Variants in RBKS observed in about 807,000 individuals in gnomAD.
RBKS encodes ribokinase.
In RBKS, 33 loss-of-function variants were observed where a neutral mutation model predicts 33.9. The observed-to-expected ratio is 0.97, with a 90% CI of 0.74 to 1.30. The LOEUF is 1.30. Ranked by LOEUF, RBKS falls within the 50% of genes most tolerant of loss-of-function variation. The probability of loss-of-function intolerance (pLI) is 0.00; values close to 1 mark genes in which losing one functional copy is unlikely to be tolerated. For synonymous variants in RBKS, 125 were observed against 143.0 expected (o/e 0.87, Z 0.90); for missense variants, 361 against 392.6 (o/e 0.92, Z 0.68).
chr2:27,864,980 C>CT (rs1197900987), intron 1 of RBKS, among the ~76,000 whole-genome samples: 1 of 152,206 alleles, frequency 6.6e-6, no homozygotes, highest in Non-Finnish European at 1.5e-5. Flanking sequence ...GGAGAAGTCT[C>CT]TGAATCTCTC....
At chr2:27,842,878 G>GT (rs373375641) in intron 5 of RBKS, among the ~76,000 whole-genome samples, 189 bp downstream of exon 5, 884 of 145,274 alleles carry the variant, frequency 6.1e-3, no homozygotes, top group Middle Eastern at 0.017. Context: ...TGCTACTCAT[G>GT]TTTTTTTTTT....
At chr2:27,859,151 AT>A (rs1303822898) in intron 1 of RBKS, among the ~76,000 whole-genome samples, 8 of 152,208 alleles carry the variant, frequency 5.3e-5, no homozygotes, top group Admixed American at 5.2e-4. Flanking sequence ...GTCTTAGTCC[AT>A]CCTGCATACC....
intron 7 of RBKS, among the ~76,000 whole-genome samples, chr2:27,803,046 T>C (rs1391257316): frequency 1.3e-5 from 2 of 152,174 alleles, no homozygotes; most frequent in African/African-American, 4.8e-5. Context: ...CCCAGGCTGG[T>C]CTCAAACTCC....
At position 27,781,571 on chromosome 2, in the gene RBKS, G is replaced by C. The variant is rs939941101; in HGVS notation, c.*44C>G. 2.6e-6 allele frequency: 4 copies of C among 1,512,596 alleles called. No individual in the cohort carries two copies. The African/African-American group carries it at 4.2e-5, about 16-fold the overall frequency. The allele number at this position is 1,512,596 out of a possible 1,614,324, so 93.7% of individuals were successfully genotyped here. A position where few individuals can be genotyped will look rare whatever the true frequency, so the allele number is the denominator to read the frequency against. On this transcript the variant is annotated 3_prime_UTR_variant, in exon 8 of 8. Transcript: ENST00000302188. ...ATTAGCCAGGAGCAGCCACCCCCAA[G>C]TACATTTTATTCCCAGGTATATTTA... is the stretch of plus-strand genomic sequence containing the variant.
At chr2:27,819,150 T>G (rs1037996081) in intron 7 of RBKS, among the ~76,000 whole-genome samples, 1 of 152,174 alleles carries the variant, frequency 6.6e-6, no homozygotes, top group African/African-American at 2.4e-5. Context: ...TAGAAATTTA[T>G]TTCTCACAGT....
chr2:27,844,597 A>G (rs572887373), intron 4 of RBKS, among the ~76,000 whole-genome samples: 1 of 151,920 alleles, frequency 6.6e-6, no homozygotes, highest in East Asian at 1.9e-4. Flanking sequence ...GGGTTTCACT[A>G]TGTTGGCCAG....
intron 7 of RBKS, among the ~76,000 whole-genome samples, chr2:27,783,098 CCT>C (rs1677320254): frequency 6.6e-6 from 1 of 152,144 alleles, no homozygotes; most frequent in Non-Finnish European, 1.5e-5. Context: ...CTCCTGTGTC[CCT>C]TTGACATACG....
intron 5 of RBKS, among the ~76,000 whole-genome samples, chr2:27,841,079 C>T (rs757443797): frequency 6.6e-5 from 10 of 152,138 alleles, no homozygotes; most frequent in Non-Finnish European, 8.8e-5. Flanking sequence ...TCACCTACCC[C>T]GCTTCCTGCT....
chr2:27,889,274 T>G (rs1664644245), intron 1 of RBKS, among the ~76,000 whole-genome samples: 1 of 152,244 alleles, frequency 6.6e-6, no homozygotes, highest in African/African-American at 2.4e-5. Flanking sequence ...CTTATTTTGA[T>G]TGTCCCAAAG....
At chr2:27,801,964 ATATATATATATATAT>A (rs1393277479) in intron 7 of RBKS, among the ~76,000 whole-genome samples, 3 of 48,564 alleles carry the variant, frequency 6.2e-5, no homozygotes, top group African/African-American at 8.5e-5. Flanking sequence ...AAAAAAAAAA[ATATATATATATATAT>A]ATATATATAT....
At chr2:27,802,507 G>GA (rs997566314) in intron 7 of RBKS, among the ~76,000 whole-genome samples, 5 of 151,592 alleles carry the variant, frequency 3.3e-5, no homozygotes, top group African/African-American at 1.2e-4. Context: ...GGGTGATTAG[G>GA]AAAAAAAGTC....
intron 4 of RBKS, among the ~76,000 whole-genome samples, chr2:27,846,379 C>A (rs1381212725): frequency 6.6e-6 from 1 of 152,208 alleles, no homozygotes; most frequent in African/African-American, 2.4e-5. Context: ...CTGTGGCTCA[C>A]TGCAGCCTTG....
chr2:27,858,632 T>A, intron 1 of RBKS, 61 bp from the exon 2 acceptor site: 1 of 1,492,782 alleles, frequency 6.7e-7, no homozygotes, highest in Non-Finnish European at 9.2e-7. Context: ...ATTTAAGTTC[T>A]TTAGAAGAGA....
At chr2:27,826,850 A>C (rs2148202172) in intron 7 of RBKS, among the ~76,000 whole-genome samples, 1 of 152,272 alleles carries the variant, frequency 6.6e-6, no homozygotes, top group East Asian at 1.9e-4. Context: ...TCAGCACAGT[A>C]CCTTACATAA....
At chr2:27,797,557 T>C (rs1573035687) in intron 7 of RBKS, among the ~76,000 whole-genome samples, 1 of 152,282 alleles carries the variant, frequency 6.6e-6, no homozygotes, top group East Asian at 1.9e-4. Flanking sequence ...GCCCACATTT[T>C]CCCATTTCCC....
At chr2:27,816,743 G>A (rs1475819894) in intron 7 of RBKS, among the ~76,000 whole-genome samples, 1 of 152,034 alleles carries the variant, frequency 6.6e-6, no homozygotes, top group Non-Finnish European at 1.5e-5. Context: ...GACTACAGGT[G>A]CCTGCCACCA....
chr2:27,864,994 A>G (rs780506201), intron 1 of RBKS, among the ~76,000 whole-genome samples: 1 of 152,226 alleles, frequency 6.6e-6, no homozygotes, highest in African/African-American at 2.4e-5. Flanking sequence ...ATCTCTCCAC[A>G]GGTCTTTAAC....
chr2:27,805,305 T>G (rs1328046501), intron 7 of RBKS, among the ~76,000 whole-genome samples: 1 of 152,228 alleles, frequency 6.6e-6, no homozygotes, highest in African/African-American at 2.4e-5. Context: ...GACCTGATTT[T>G]CTTGAGGGCT....
chr2:27,861,683 ACTT>A (rs1451632896), intron 1 of RBKS: 1 of 423,328 alleles, frequency 2.4e-6, no homozygotes, highest in Non-Finnish European at 4.9e-6. Context: ...GTGGAGTCTC[ACTT>A]TGTCTCCCAG....
Sources: allele counts gnomAD v4.1 joint callset (sites outside exome capture counted in the v4.1 genomes callset), GRCh38; gene constraint gnomAD v4.1.1; transcripts MANE v1.5; gene names NCBI Gene and HGNC (gene_info 2026-07-23, HGNC 2026-07-21).